WWOX: variants seen among roughly 807,000 people sequenced by gnomAD.
WWOX encodes WW domain-containing oxidoreductase.
In WWOX, 69 loss-of-function variants were observed where a neutral mutation model predicts 46.2. The observed-to-expected ratio is 1.49, with a 90% CI of 1.23 to 1.82. The LOEUF is 1.82. WWOX is among the 40% of genes most tolerant of loss of function. The probability of loss-of-function intolerance (pLI) is 0.00; values close to 1 mark genes in which losing one functional copy is unlikely to be tolerated. For missense variants in WWOX, 919 were observed against 542.6 expected, an observed-to-expected ratio of 1.69 and a Z score of -6.89; for synonymous variants, 359 against 202.6, an observed-to-expected ratio of 1.77 and a Z score of -6.56.
intron 1 of WWOX, among the ~76,000 whole-genome samples, chr16:78,104,262 A>ACACACACACACT (rs2031994638): frequency 1.3e-5 from 2 of 150,852 alleles, no homozygotes; most frequent in Non-Finnish European, 3.0e-5. Context: ...ACACACACAC[A>ACACACACACACT]CACACACACT....
chr16:78,944,545 G>A lies in WWOX; in HGVS notation c.1057-267063G>A, dbSNP rs181132230. On this transcript the variant is annotated intron_variant, in intron 8 of 8. Coordinates refer to ENST00000566780, the MANE Select transcript of WWOX (RefSeq NM_016373.4). ...TTGTCTTGCTGTATCGAATCAAGCTGTGGTCTTGAGTTTCGTACACATCTA... is the reference window on the plus strand; with the variant it reads ...TTGTCTTGCTGTATCGAATCAAGCTATGGTCTTGAGTTTCGTACACATCTA... Among the ~76,000 whole-genome samples, 33 of 152,270 alleles carry A rather than the reference G, an allele frequency of 2.2e-4. No individual in the cohort carries two copies. The South Asian group carries it at 2.5e-3, about 11-fold the overall frequency.
intron 8 of WWOX, among the ~76,000 whole-genome samples, chr16:78,955,399 T>C (rs2046144854): frequency 6.6e-6 from 1 of 152,072 alleles, no homozygotes; most frequent in Admixed American, 6.6e-5. Context: ...TTGAGGCAAG[T>C]GAGAGGTGTG....
At chr16:79,165,118 G>A (rs1445172023) in intron 8 of WWOX, among the ~76,000 whole-genome samples, 2 of 147,452 alleles carry the variant, frequency 1.4e-5, no homozygotes, top group Non-Finnish European at 3.0e-5. Flanking sequence ...GGGTAAACTT[G>A]ATATGGAAGG....
In WWOX at chr16:79,045,780, C is replaced by CTTTTTTTTTTTTTTT. The variant is rs770463813; in HGVS notation, c.1057-165803_1057-165789dup. Among the ~76,000 whole-genome samples, 39 of 54,232 alleles carry CTTTTTTTTTTTTTTT rather than the reference C, an allele frequency of 7.2e-4. 10 individuals are homozygous for CTTTTTTTTTTTTTTT. Among genetic ancestry groups the CTTTTTTTTTTTTTTT allele is most frequent in the Non-Finnish European group, 8.7e-4 (22 of 25,356 alleles). 35.6% of individuals were successfully genotyped at this position (54,232 alleles called of 152,430 possible). On this transcript the variant is annotated intron_variant, in intron 8 of 8. Transcript: ENST00000566780. ...AGCTCGTCTTTCCTTTTTTCTTTTC[C>CTTTTTTTTTTTTTTT]TTTTTTTTTTTTTTTTTTTTTTTTT...
intron 8 of WWOX, among the ~76,000 whole-genome samples, chr16:78,760,251 C>T (rs544897450): frequency 5.3e-5 from 8 of 152,084 alleles, no homozygotes; most frequent in African/African-American, 1.7e-4. Context: ...TTATTCACTA[C>T]CATGAGAACA....
At chr16:78,209,684 T>C (rs2036498582) in intron 5 of WWOX, among the ~76,000 whole-genome samples, 1 of 151,916 alleles carries the variant, frequency 6.6e-6, no homozygotes, top group African/African-American at 2.4e-5. Flanking sequence ...GTCTGAGCCT[T>C]ACAGGTTAAA....
At chr16:78,175,987 C>G (rs953001663) in intron 5 of WWOX, among the ~76,000 whole-genome samples, 5 of 152,152 alleles carry the variant, frequency 3.3e-5, no homozygotes, top group African/African-American at 1.2e-4. Flanking sequence ...TGACCTCTCT[C>G]CAACACTTTT....
intron 8 of WWOX, among the ~76,000 whole-genome samples, chr16:78,764,425 T>C (rs2049877593): frequency 1.3e-5 from 2 of 150,838 alleles, no homozygotes; most frequent in African/African-American, 4.9e-5. Flanking sequence ...GAAGGGAAAT[T>C]GGTATGGTAG....
chr16:78,503,744 C>T (rs1432504696), intron 8 of WWOX: 1 of 152,122 alleles, frequency 6.6e-6, no homozygotes, highest in African/African-American at 2.4e-5. Flanking sequence ...ATCAGTTTAC[C>T]CAGAAACTAG....
chr16:79,057,223 C>T (rs1304593362), intron 8 of WWOX, among the ~76,000 whole-genome samples: 1 of 152,142 alleles, frequency 6.6e-6, no homozygotes, highest in Non-Finnish European at 1.5e-5. Context: ...TTGCCTGGAC[C>T]TCTTTTAGGA....
intron 8 of WWOX, among the ~76,000 whole-genome samples, chr16:78,839,971 T>G (rs74650100): frequency 0.028 from 4,333 of 152,320 alleles, 213 homozygotes; most frequent in African/African-American, 0.098. Flanking sequence ...GCAAGTTGCT[T>G]CATTTTCCTG....
chr16:78,716,565 G>T (rs971532890), intron 8 of WWOX, among the ~76,000 whole-genome samples: 3 of 152,094 alleles, frequency 2.0e-5, no homozygotes, highest in Non-Finnish European at 4.4e-5. Context: ...CTCCATGCCA[G>T]TGTCTTCCCA....
At chr16:78,924,229 A>G (rs1271171305) in intron 8 of WWOX, among the ~76,000 whole-genome samples, 1 of 152,144 alleles carries the variant, frequency 6.6e-6, no homozygotes, top group African/African-American at 2.4e-5. Context: ...GAAGCTGTGA[A>G]TTCATAGACG....
chr16:78,958,818 G>T (rs1189364010), intron 8 of WWOX, among the ~76,000 whole-genome samples: 3 of 152,136 alleles, frequency 2.0e-5, no homozygotes, highest in Non-Finnish European at 4.4e-5. Flanking sequence ...GTGGGCACAG[G>T]GGAAGGAAGG....
At chr16:78,775,662 G>T (rs1285694144) in intron 8 of WWOX, among the ~76,000 whole-genome samples, 1 of 152,158 alleles carries the variant, frequency 6.6e-6, no homozygotes, top group Non-Finnish European at 1.5e-5. Context: ...GATGGGACAG[G>T]AGCCTTAGTA....
intron 8 of WWOX, among the ~76,000 whole-genome samples, chr16:79,060,675 C>T (rs916047416): frequency 1.6e-4 from 25 of 152,292 alleles, no homozygotes; most frequent in African/African-American, 5.3e-4. Flanking sequence ...CAATTACGAG[C>T]GGAGCTACAA....
chr16:78,476,952 C>G (rs74029640), intron 8 of WWOX, among the ~76,000 whole-genome samples: 1 of 152,032 alleles, frequency 6.6e-6, no homozygotes, highest in Non-Finnish European at 1.5e-5. Context: ...TTCCCTCTTT[C>G]CTCTTTTTCA....
At chr16:78,505,507 G>A (rs979000343) in intron 8 of WWOX, among the ~76,000 whole-genome samples, 2 of 152,252 alleles carry the variant, frequency 1.3e-5, no homozygotes, top group East Asian at 3.9e-4. Flanking sequence ...GGCAGCCCAG[G>A]GAGACTGTTC....
At position 78,665,615 on chromosome 16, in the gene WWOX, G is replaced by T. The variant is rs1439406376; in HGVS notation, c.1056+232863G>T. ...ATTCCAGATTCCGATTGCCCTGTCAGGGTGGGTCCTAGTGGTAGGACAAAA... is the reference window on the plus strand; with the variant it reads ...ATTCCAGATTCCGATTGCCCTGTCATGGTGGGTCCTAGTGGTAGGACAAAA... On this transcript the variant is annotated intron_variant, in intron 8 of 8. Coordinates refer to ENST00000566780, the MANE Select transcript of WWOX (RefSeq NM_016373.4). Among the ~76,000 whole-genome samples, 4 of 152,108 alleles carry T rather than the reference G, an allele frequency of 2.6e-5. No individual in the cohort carries two copies. In the South Asian group the frequency reaches 8.3e-4, roughly 32 times the overall value.
Sources: gnomAD v4.1 joint callset for allele counts (sites outside exome capture counted in the v4.1 genomes callset) on GRCh38, gnomAD v4.1.1 for gene constraint, MANE v1.5 for transcripts, NCBI Gene and HGNC (gene_info 2026-07-23, HGNC 2026-07-21) for gene names.